ZNF234: variants seen among roughly 807,000 people sequenced by gnomAD.
ZNF234 encodes zinc finger protein 234.
A neutral mutation model predicts 10.3 loss-of-function variants in ZNF234; 4 were observed. The ratio of observed to expected loss-of-function variants is 0.39; its 90% confidence interval spans 0.19 to 0.89. ZNF234 has a LOEUF of 0.89. Among genes scored for constraint, ZNF234 ranks in the 40% least tolerant of loss-of-function variants. ZNF234 has a pLI of 0.38. For synonymous variants in ZNF234, 258 were observed against 280.1 expected (o/e 0.92, Z 0.79); for missense variants, 711 against 836.1 (o/e 0.85, Z 1.85).
chr19:44,148,113 T>G (rs1002242820), intron 3 of ZNF234, among the ~76,000 whole-genome samples: 6 of 152,192 alleles, frequency 3.9e-5, no homozygotes, highest in African/African-American at 1.2e-4. Flanking sequence ...ATATGTAGTT[T>G]CTTTTTCAAC....
intron 2 of ZNF234, among the ~76,000 whole-genome samples, chr19:44,144,104 A>G (rs899525584): frequency 6.6e-6 from 1 of 152,066 alleles, no homozygotes; most frequent in African/African-American, 2.4e-5. Context: ...AATCATCATC[A>G]TCATTTAGTT....
chr19:44,151,814 T>C (rs539084159), intron 5 of ZNF234, among the ~76,000 whole-genome samples: 33 of 152,320 alleles, frequency 2.2e-4, no homozygotes, highest in Non-Finnish European at 4.3e-4. Context: ...TTTTCCACTT[T>C]ATAAGGACCC....
intron 5 of ZNF234, among the ~76,000 whole-genome samples, chr19:44,152,069 G>A (rs763239499): frequency 1.3e-5 from 2 of 151,898 alleles, no homozygotes; most frequent in Admixed American, 6.6e-5. Context: ...CAATCCTCTC[G>A]GCCCCTCTCT....
chr19:44,156,433 T>C lies in ZNF234; in HGVS notation c.417T>C (p.Tyr139=), dbSNP rs1568553437. 1 of 1,613,780 alleles carries C rather than the reference T, an allele frequency of 6.2e-7. No individual in the cohort carries two copies. The highest frequency in any genetic ancestry group is 8.5e-7 in the Non-Finnish European group (1 of 1,179,812). Residue 139 remains tyrosine, a synonymous_variant, in exon 6 of 6, where the codon TAT becomes TAC. Transcript: ENST00000426739. ...CCTGCCAGGTTAGGGCAGGACTATATACAACTCACACAGGACAGAAATTTT... is the reference window on the plus strand; with the variant it reads ...CCTGCCAGGTTAGGGCAGGACTATACACAACTCACACAGGACAGAAATTTT... ...DLSCQVRAGL[Y]TTHTGQKFYQ... is the part of the protein sequence containing the mutation.
chr19:44,151,141 C>T (rs2122126955), intron 5 of ZNF234, among the ~76,000 whole-genome samples: 1 of 152,226 alleles, frequency 6.6e-6, no homozygotes, highest in Middle Eastern at 3.4e-3. Context: ...CTCTGCGTCT[C>T]TGACTACATC....
chr19:44,153,300 G>A (rs1968794896), intron 5 of ZNF234, among the ~76,000 whole-genome samples: 1 of 151,084 alleles, frequency 6.6e-6, no homozygotes, highest in Non-Finnish European at 1.5e-5. Flanking sequence ...GTAACTTCTA[G>A]AACCAAAGTT....
At position 44,157,127 on chromosome 19, in the gene ZNF234, C is replaced by A; in HGVS notation, c.1111C>A (p.Pro371Thr). The change falls in exon 6 of 6, where the codon CCA (proline) becomes ACA (threonine). Residue 371 changes from proline (P) to threonine (T), a missense_variant. By Grantham distance (38) the Pro-to-Thr change is conservative (BLOSUM62 -1). Transcript: ENST00000426739. The stretch of plus-strand genomic sequence containing the variant: ...TCGGAGAATCCACACTGGAGAGAAA[C>A]CATACGTATGTAAAGTGTGTGGTAA... ...AHRRIHTGEK[P>T]YVCKVCGKGF... 6.2e-7 allele frequency: 1 copy of A among 1,614,102 alleles called. No individual in the cohort carries two copies. The highest frequency in any genetic ancestry group is 8.5e-7 in the Non-Finnish European group (1 of 1,180,006).
Position 44,157,955 on chromosome 19 carries a change from A to C in ZNF234, c.1939A>C (p.Thr647Pro). The change falls in exon 6 of 6, where the codon ACT becomes CCT. Residue 647 changes from threonine (T) to proline (P), a missense_variant. Thr to Pro is a conservative substitution (Grantham distance 38). Coordinates refer to ENST00000426739, the MANE Select transcript of ZNF234 (RefSeq NM_006630.3). Reference sequence around the variant, plus strand: ...ATTACAGTATCATAGGCGAGTTCACACTGGGGAAAAACCTTACAAATGTGA... The same window carrying C: ...ATTACAGTATCATAGGCGAGTTCACCCTGGGGAAAAACCTTACAAATGTGA... Reference protein sequence around the residue: ...SQLQYHRRVHTGEKPYKCEIC... With the variant: ...SQLQYHRRVHPGEKPYKCEIC... 5 of 1,614,020 alleles carry C rather than the reference A, an allele frequency of 3.1e-6. No individual in the cohort carries two copies. Among genetic ancestry groups the C allele is most frequent in the Non-Finnish European group, 3.4e-6 (4 of 1,179,904 alleles).
intron 4 of ZNF234, chr19:44,150,032 G>A (rs1411406837): frequency 6.4e-6 from 1 of 155,186 alleles, no homozygotes; most frequent in African/African-American, 2.4e-5. Context: ...GTGCAGCCGT[G>A]GGCATGTCTC....
rs760388393 is a variant in ZNF234, at chr19:44,156,336, T to C, written c.320T>C (p.Ile107Thr). 6.2e-6 allele frequency: 10 copies of C among 1,608,982 alleles called. No individual in the cohort carries two copies. In the East Asian group the frequency reaches 6.7e-5, roughly 11 times the overall value. ...TACTGGGGGCAAATCTGGAAACAGA[T>C]TGCAAGTGATTTAATCAAGTATGAA... Reference protein sequence around the residue: ...ELYWGQIWKQIASDLIKYEDS... With the variant: ...ELYWGQIWKQTASDLIKYEDS... The change falls in exon 6 of 6, where the codon ATT becomes ACT. Residue 107 changes from isoleucine (I) to threonine (T), a missense_variant. Ile to Thr is a moderately conservative substitution (Grantham distance 89). Coordinates refer to ENST00000426739, the MANE Select transcript of ZNF234 (RefSeq NM_006630.3).
Position 44,157,763 on chromosome 19 carries a change from C to A in ZNF234, c.1747C>A (p.Leu583Ile). 1 of 1,613,908 alleles carries A rather than the reference C, an allele frequency of 6.2e-7. No homozygotes were observed. Among genetic ancestry groups the A allele is most frequent in the Non-Finnish European group, 8.5e-7 (1 of 1,179,940 alleles). ...CGKGFKWSLN[L>I]DMHQRVHTGE... is the part of the protein sequence containing the mutation. ...AAAGGGCTTCAAGTGGAGCTTGAAC[C>A]TTGACATGCATCAGAGGGTGCACAC... Residue 583 changes from leucine (L) to isoleucine (I), a missense_variant, in exon 6 of 6, where the codon CTT becomes ATT. Transcript: ENST00000426739.
intron 3 of ZNF234, among the ~76,000 whole-genome samples, chr19:44,145,518 G>A (rs961115654): frequency 3.3e-5 from 5 of 152,046 alleles, no homozygotes; most frequent in Non-Finnish European, 5.9e-5. Context: ...TCAGCCTCCC[G>A]AGAAGCTGGG....
Position 44,159,825 on chromosome 19 carries a change from G to A in ZNF234, c.*1706G>A. 4.2e-6 allele frequency: 1 copy of A among 237,964 alleles called. No individual in the cohort carries two copies. Among genetic ancestry groups the A allele is most frequent in the Non-Finnish European group, 9.0e-6 (1 of 110,670 alleles). The allele number at this position is 237,964 out of a possible 1,614,324, so 14.7% of individuals were successfully genotyped here. A position where few individuals can be genotyped will look rare whatever the true frequency, so the allele number is the denominator to read the frequency against. On this transcript the variant is annotated 3_prime_UTR_variant, in exon 6 of 6. Coordinates refer to ENST00000426739, the MANE Select transcript of ZNF234 (RefSeq NM_006630.3). ...AAGGCAGGTGAATCACCTGAGGTCAGGACTTAGAGACCAGCCTGACCAACA... is the reference window on the plus strand; with the variant it reads ...AAGGCAGGTGAATCACCTGAGGTCAAGACTTAGAGACCAGCCTGACCAACA...
At position 44,159,696 on chromosome 19, in the gene ZNF234, C is replaced by A. The variant is rs1308172101; in HGVS notation, c.*1577C>A. On this transcript the variant is annotated 3_prime_UTR_variant, in exon 6 of 6. Transcript: ENST00000426739. ...ATTTCTGACTTTCCACATTTCCATC[C>A]AGACTTTGACATGATTGCCGTCTAA... 1 of 425,916 alleles carries A rather than the reference C, an allele frequency of 2.3e-6. No individual in the cohort carries two copies. Among genetic ancestry groups the A allele is most frequent in the East Asian group, 6.9e-5 (1 of 14,452 alleles). The allele number at this position is 425,916 out of a possible 1,614,324, so 26.4% of individuals were successfully genotyped here.
In ZNF234 at chr19:44,159,571, T is replaced by G. The variant is rs753183265; in HGVS notation, c.*1452T>G. 3 of 442,314 alleles carry G rather than the reference T, an allele frequency of 6.8e-6. No individual in the cohort carries two copies. The highest frequency in any genetic ancestry group is 4.8e-5 in the South Asian group (3 of 62,688). 27.4% of individuals were successfully genotyped at this position (442,314 alleles called of 1,614,324 possible). A position where few individuals can be genotyped will look rare whatever the true frequency, so the allele number is the denominator to read the frequency against. ...ACTGAATATCACACAATTGAGTTTT[T>G]AATCCATTAATGTTAAGGCAGGGGT... is the stretch of plus-strand genomic sequence containing the variant. On this transcript the variant is annotated 3_prime_UTR_variant, in exon 6 of 6. Coordinates refer to ENST00000426739, the MANE Select transcript of ZNF234 (RefSeq NM_006630.3).
At position 44,144,527 on chromosome 19, in the gene ZNF234, C is replaced by T. The variant is rs969000770; in HGVS notation, c.-76-30C>T. On this transcript the variant is annotated intron_variant, in intron 2 of 5. Coordinates refer to ENST00000426739, the MANE Select transcript of ZNF234 (RefSeq NM_006630.3). ...GTTGGTGGGGACATCCCTGGCCACG[C>T]TTTCATGTCTCTTTTTGTGTCTTCC... The T allele has an allele frequency of 5.4e-5, 58 of 1,074,760 alleles. 1 individual carries two copies. In the Admixed American group the frequency reaches 1.2e-3, roughly 21 times the overall value. 66.6% of individuals were successfully genotyped at this position (1,074,760 alleles called of 1,614,324 possible). A position where few individuals can be genotyped will look rare whatever the true frequency, so the allele number is the denominator to read the frequency against.
intron 3 of ZNF234, 48 bp from the exon 4 acceptor site, chr19:44,148,723 T>C: frequency 6.2e-7 from 1 of 1,609,776 alleles, no homozygotes; most frequent in Non-Finnish European, 8.5e-7. Context: ...CTGTTTCTTT[T>C]CAAGAGTTTG....
At chr19:44,148,629 G>A (rs769637713) in intron 3 of ZNF234, 142 bp from the exon 4 acceptor site, 162 of 1,167,240 alleles carry the variant, frequency 1.4e-4, no homozygotes, top group Non-Finnish European at 2.0e-4. Flanking sequence ...TGGTAAGATG[G>A]AAGGAGAAGG....
At chr19:44,148,241 G>C (rs1448438861) in intron 3 of ZNF234, among the ~76,000 whole-genome samples, 1 of 152,214 alleles carries the variant, frequency 6.6e-6, no homozygotes, top group Non-Finnish European at 1.5e-5. Context: ...GATGGCTCCA[G>C]ATCATGACAC....
Sources: allele counts gnomAD v4.1 joint callset (sites outside exome capture counted in the v4.1 genomes callset), GRCh38; gene constraint gnomAD v4.1.1; transcripts MANE v1.5; gene names NCBI Gene and HGNC (gene_info 2026-07-23, HGNC 2026-07-21).